SCAPER: variants seen among roughly 807,000 people sequenced by gnomAD.
SCAPER encodes the protein S phase cyclin A-associated protein in the endoplasmic reticulum.
Under a neutral mutation model 182.2 loss-of-function variants are expected in SCAPER, and 98 were observed. That is an observed-to-expected ratio of 0.54 (90% CI 0.46 to 0.64). The LOEUF is 0.64. SCAPER is among the 30% of genes least tolerant of loss of function. The probability of loss-of-function intolerance (pLI) is 0.00; values close to 1 mark genes in which losing one functional copy is unlikely to be tolerated. For missense variants in SCAPER, 1,432 were observed against 1,690.0 expected, an observed-to-expected ratio of 0.85 and a Z score of 2.68; for synonymous variants, 605 against 564.6, an observed-to-expected ratio of 1.07 and a Z score of -1.01.
At chr15:76,834,856 A>G (rs1356765798) in intron 5 of SCAPER, among the ~76,000 whole-genome samples, 1 of 152,148 alleles carries the variant, frequency 6.6e-6, no homozygotes, top group East Asian at 1.9e-4. Flanking sequence ...ACCCAAAAGA[A>G]ACTGAAATCC....
intron 23 of SCAPER, among the ~76,000 whole-genome samples, chr15:76,507,130 A>G (rs1384912412): frequency 6.6e-6 from 1 of 152,162 alleles, no homozygotes; most frequent in Non-Finnish European, 1.5e-5. Context: ...GTATTTGAAG[A>G]GAAGATCTTT....
chr15:76,751,530 A>G lies in SCAPER; in HGVS notation c.1866+2278T>C, dbSNP rs11854018. Among the ~76,000 whole-genome samples the G allele has an allele frequency of 8.1e-3, 1,238 of 151,956 alleles. 12 individuals are homozygous for G. The highest frequency in any genetic ancestry group is 0.028 in the African/African-American group (1,174 of 41,544). On this transcript the variant is annotated intron_variant, in intron 15 of 31. Coordinates refer to ENST00000563290, the MANE Select transcript of SCAPER (RefSeq NM_020843.4). The stretch of plus-strand genomic sequence containing the variant: ...GTATAGTACTAGCACTAAAACAGAC[A>G]TATAGACCTATGGAATAGAACACGG...
At chr15:76,413,671 G>A (rs775333351) in intron 26 of SCAPER, among the ~76,000 whole-genome samples, 3 of 152,214 alleles carry the variant, frequency 2.0e-5, no homozygotes, top group Non-Finnish European at 4.4e-5. Context: ...CCAGGCAAAG[G>A]TTGAACAGGT....
At chr15:76,684,190 A>G (rs2057897514) in intron 20 of SCAPER, among the ~76,000 whole-genome samples, 2 of 151,432 alleles carry the variant, frequency 1.3e-5, no homozygotes, top group Non-Finnish European at 2.9e-5. Flanking sequence ...TAACACCATG[A>G]TGACAGGATC....
intron 24 of SCAPER, among the ~76,000 whole-genome samples, chr15:76,475,775 C>T (rs766265199): frequency 6.6e-6 from 1 of 152,158 alleles, no homozygotes; most frequent in Non-Finnish European, 1.5e-5. Context: ...CCCTTGAAAG[C>T]GTCCTTAGAG....
At chr15:76,562,408 A>G (rs1003660695) in intron 23 of SCAPER, among the ~76,000 whole-genome samples, 2 of 152,186 alleles carry the variant, frequency 1.3e-5, no homozygotes, top group African/African-American at 4.8e-5. Context: ...ATAACCTAGG[A>G]CTAGTGTCCA....
At chr15:76,486,954 T>C (rs960684519) in intron 24 of SCAPER, among the ~76,000 whole-genome samples, 5 of 151,828 alleles carry the variant, frequency 3.3e-5, no homozygotes, top group African/African-American at 4.8e-5. Context: ...ATGCCAACGA[T>C]TGAATTAAGA....
chr15:76,656,133 C>CTT (rs1273788703), intron 21 of SCAPER, among the ~76,000 whole-genome samples: 1 of 152,016 alleles, frequency 6.6e-6, no homozygotes, highest in Non-Finnish European at 1.5e-5. Context: ...AGATGCAAGA[C>CTT]CCAACCATAT....
At chr15:76,544,502 G>T (rs2045069541) in intron 23 of SCAPER, among the ~76,000 whole-genome samples, 1 of 152,158 alleles carries the variant, frequency 6.6e-6, no homozygotes. Context: ...ACAGAATGCG[G>T]ATACAAGCTA....
At position 76,861,607 on chromosome 15, in the gene SCAPER, A is replaced by C. The variant is rs999160962; in HGVS notation, c.124+809T>G. 2.6e-5 allele frequency among the ~76,000 whole-genome samples: 4 copies of C among 152,078 alleles called. No individual in the cohort carries two copies. The East Asian group carries it at 7.7e-4, about 29-fold the overall frequency. On this transcript the variant is annotated intron_variant, in intron 3 of 31. Coordinates refer to ENST00000563290, the MANE Select transcript of SCAPER (RefSeq NM_020843.4). ...AGCCATTAAAGGGAGGGTAGAGATG[A>C]TTTTTTTTCTTGTTCAAATAATAAT...
intron 21 of SCAPER, among the ~76,000 whole-genome samples, chr15:76,653,740 G>C (rs1181826689): frequency 6.6e-6 from 1 of 152,086 alleles, no homozygotes; most frequent in East Asian, 1.9e-4. Context: ...AGTACCTCAA[G>C]CTACAAAAAT....
chr15:76,728,453 G>A, intron 17 of SCAPER, 142 bp downstream of exon 17: 1 of 1,045,290 alleles, frequency 9.6e-7, no homozygotes, highest in Non-Finnish European at 1.4e-6. Context: ...AGGATCACTT[G>A]AGTCAGAGAG....
chr15:76,422,654 A>C (rs1324357495), intron 26 of SCAPER, among the ~76,000 whole-genome samples: 1 of 152,096 alleles, frequency 6.6e-6, no homozygotes, highest in Non-Finnish European at 1.5e-5. Context: ...TTCCAACACT[A>C]TGTTGAATAG....
At chr15:76,645,666 A>G (rs930985077) in intron 21 of SCAPER, among the ~76,000 whole-genome samples, 1 of 151,924 alleles carries the variant, frequency 6.6e-6, no homozygotes, top group Non-Finnish European at 1.5e-5. Context: ...TTCTTTTGTT[A>G]CTGTGGACAC....
chr15:76,502,765 GA>G (rs1172285403), intron 24 of SCAPER, among the ~76,000 whole-genome samples: 3 of 152,154 alleles, frequency 2.0e-5, no homozygotes, highest in Non-Finnish European at 2.9e-5. Flanking sequence ...AAAGTGAGAT[GA>G]AGGAACAAGC....
Position 76,471,302 on chromosome 15 carries a change from G to A in SCAPER, c.2988C>T (p.Leu996=). The A allele has an allele frequency of 1.2e-6, 2 of 1,611,570 alleles. No homozygotes were observed. The highest frequency in any genetic ancestry group is 1.7e-6 in the Non-Finnish European group (2 of 1,178,782). The part of the protein sequence containing the change: ...SLCNAINVYN[L]TCNNCSENCS... ...AGTTTTCTGAACAGTTATTGCAGGT[G>A]AGGTTGTAAACATTGATTGCATTGC... Residue 996 remains leucine, a synonymous_variant, in exon 25 of 32, where the codon CTC becomes CTT. Coordinates refer to ENST00000563290, the MANE Select transcript of SCAPER (RefSeq NM_020843.4).
intron 27 of SCAPER, among the ~76,000 whole-genome samples, chr15:76,399,997 T>C (rs1596446060): frequency 9.2e-6 from 1 of 108,924 alleles, no homozygotes; most frequent in Non-Finnish European, 1.8e-5. Context: ...AGAGCGAGAC[T>C]CCGTCTCAAA....
At chr15:76,849,961 C>T (rs2070558188) in intron 4 of SCAPER, among the ~76,000 whole-genome samples, 1 of 152,082 alleles carries the variant, frequency 6.6e-6, no homozygotes, top group Non-Finnish European at 1.5e-5. Context: ...CCTATAAAAC[C>T]ATTAGGTCTC....
At chr15:76,772,975 T>G (rs915615331) in intron 9 of SCAPER, among the ~76,000 whole-genome samples, 4 of 151,908 alleles carry the variant, frequency 2.6e-5, no homozygotes, top group African/African-American at 7.2e-5. Context: ...ACTTTAAAAA[T>G]TCTACTATTG....
Sources: allele counts gnomAD v4.1 joint callset (sites outside exome capture counted in the v4.1 genomes callset), GRCh38; gene constraint gnomAD v4.1.1; transcripts MANE v1.5; gene names NCBI Gene and HGNC (gene_info 2026-07-23, HGNC 2026-07-21).